NXN: variants seen among roughly 807,000 people sequenced by gnomAD.
NXN encodes nucleoredoxin 1.
NXN carries 16 observed loss-of-function variants against 48.6 expected under a neutral mutation model. The observed-to-expected ratio is 0.33, with a 90% CI of 0.22 to 0.50. NXN has a LOEUF of 0.50. Ranked by LOEUF, NXN falls within the 20% of genes least tolerant of loss-of-function variation. NXN has a pLI of 0.98. For missense variants in NXN, 492 were observed against 605.5 expected (o/e 0.81, Z 1.97); for synonymous variants, 281 against 269.6 (o/e 1.04, Z -0.41).
intron 1 of NXN, among the ~76,000 whole-genome samples, chr17:871,306 T>C (rs1055214424): frequency 6.6e-6 from 1 of 151,802 alleles, no homozygotes; most frequent in African/African-American, 2.4e-5. Flanking sequence ...GTGACCTCAA[T>C]GATGAGGCCA....
intron 1 of NXN, among the ~76,000 whole-genome samples, chr17:930,909 C>A (rs62067201): frequency 2.0e-5 from 3 of 151,660 alleles, no homozygotes; most frequent in Non-Finnish European, 2.9e-5. Context: ...GTAGCTGGGA[C>A]TACAGGTGTG....
intron 1 of NXN, among the ~76,000 whole-genome samples, chr17:889,157 T>C (rs552835308): frequency 2.0e-5 from 3 of 152,090 alleles, no homozygotes; most frequent in Non-Finnish European, 4.4e-5. Flanking sequence ...ATGTGGCACT[T>C]ACCTTCTCAG....
chr17:872,223 G>GGA (rs369488047), intron 1 of NXN, among the ~76,000 whole-genome samples: 9 of 149,360 alleles, frequency 6.0e-5, no homozygotes, highest in East Asian at 5.9e-4. Flanking sequence ...GGGGAGAGAG[G>GGA]GAGAGAGAGA....
rs1246242146 is a variant in NXN at position 825,838 on chromosome 17, G to A, written c.478+123C>T. 3 of 660,512 alleles carry A rather than the reference G, an allele frequency of 4.5e-6. No individual in the cohort carries two copies. Among genetic ancestry groups the A allele is most frequent in the Non-Finnish European group, 8.1e-6 (3 of 370,316 alleles). 40.9% of individuals were successfully genotyped at this position (660,512 alleles called of 1,614,324 possible). ...TCACCAAGACGACATTCTCTACCAC[G>A]TAAACCCACGTGTATCTATTTCACC... On this transcript the variant is annotated intron_variant, in intron 2 of 7. Coordinates refer to ENST00000336868, the MANE Select transcript of NXN (RefSeq NM_022463.5). This position sits in a 1 kb window ranked among gnomAD's most constrained non-coding sequence, Gnocchi z 4.1.
intron 4 of NXN, among the ~76,000 whole-genome samples, chr17:820,358 TC>T (rs1567817028): frequency 1.3e-5 from 2 of 152,124 alleles, no homozygotes; most frequent in African/African-American, 4.8e-5. Flanking sequence ...ACCCCTGTAA[TC>T]CCAGCACTTT....
chr17:831,068 G>A (rs537039866), intron 1 of NXN, among the ~76,000 whole-genome samples: 283 of 151,578 alleles, frequency 1.9e-3, no homozygotes, highest in African/African-American at 6.7e-3. Context: ...ATTTGAGAGC[G>A]AAAACTGCAA....
intron 1 of NXN, chr17:896,862 C>CCGGGGG: frequency 1.7e-6 from 1 of 576,078 alleles, no homozygotes; most frequent in Non-Finnish European, 2.7e-6. Context: ...TGACCACCCG[C>CCGGGGG]CCCCGGCCCC....
chr17:806,302 CCGTCTGCACCCCAGCTCCCCCCT>C (rs1418759519), intron 5 of NXN, among the ~76,000 whole-genome samples: 57 of 150,782 alleles, frequency 3.8e-4, no homozygotes, highest in African/African-American at 1.3e-3. Context: ...GCAGCCCCCG[CCGTCTGCACCCCAGCTCCCCCCT>C]TCCCCAGGGC....
chr17:818,549 C>T (rs1347723700), intron 5 of NXN, among the ~76,000 whole-genome samples: 1 of 152,118 alleles, frequency 6.6e-6, no homozygotes, highest in Non-Finnish European at 1.5e-5. Context: ...AAGATTCTGG[C>T]CAAGTCATTT....
At chr17:845,223 AGAG>A (rs766249915) in intron 1 of NXN, among the ~76,000 whole-genome samples, 1 of 151,506 alleles carries the variant, frequency 6.6e-6, no homozygotes, top group African/African-American at 2.4e-5. Context: ...ACCCTTCTAG[AGAG>A]AATTCCACCC....
intron 1 of NXN, among the ~76,000 whole-genome samples, chr17:847,370 GA>G (rs2067875629): frequency 6.6e-6 from 1 of 152,068 alleles, no homozygotes; most frequent in South Asian, 2.1e-4. Flanking sequence ...GAGGGGAGAG[GA>G]AATATTTACA....
At chr17:822,492 G>A (rs374339416) in intron 3 of NXN, 35 bp from the exon 4 acceptor site, 109 of 1,503,972 alleles carry the variant, frequency 7.2e-5, no homozygotes, top group South Asian at 6.2e-4. Flanking sequence ...GCTGCGTCAC[G>A]CTGCTTCTCC....
chr17:853,505 G>T (rs947574061), intron 1 of NXN, among the ~76,000 whole-genome samples: 1 of 151,740 alleles, frequency 6.6e-6, no homozygotes, highest in East Asian at 2.0e-4. Context: ...TTCCCACAGG[G>T]TGTCCCTCTG....
chr17:828,040 C>T lies in NXN; in HGVS notation c.361-1962G>A, dbSNP rs192758008. On this transcript the variant is annotated intron_variant, in intron 1 of 7. Transcript: ENST00000336868. ...CATGTTTTTCCCAGCCCCACCTTTC[C>T]GGGGGGCTTACAAAACCAGCCCGGG... Among the ~76,000 whole-genome samples the T allele has an allele frequency of 6.4e-4, 97 of 152,238 alleles. 1 individual carries two copies. Among genetic ancestry groups the T allele is most frequent in the Admixed American group, 1.4e-3 (22 of 15,280 alleles).
intron 1 of NXN, among the ~76,000 whole-genome samples, chr17:936,278 G>A (rs905915681): frequency 1.3e-5 from 2 of 152,002 alleles, no homozygotes; most frequent in African/African-American, 4.8e-5. Context: ...GACCAGAAAC[G>A]TCCCCTGCGA....
At chr17:889,214 G>C (rs1274661579) in intron 1 of NXN, among the ~76,000 whole-genome samples, 2 of 152,158 alleles carry the variant, frequency 1.3e-5, no homozygotes, top group Non-Finnish European at 2.9e-5. Context: ...GCCTGCACGT[G>C]CCACACTTGC....
At chr17:903,157 TAACA>T (rs2068552383) in intron 1 of NXN, among the ~76,000 whole-genome samples, 2 of 152,066 alleles carry the variant, frequency 1.3e-5, no homozygotes, top group South Asian at 4.2e-4. Flanking sequence ...TAAAAGCAGC[TAACA>T]GTTATGACGT....
chr17:870,932 C>T (rs937949954), intron 1 of NXN, among the ~76,000 whole-genome samples: 3 of 152,028 alleles, frequency 2.0e-5, no homozygotes, highest in African/African-American at 7.2e-5. Flanking sequence ...GATCTCAGTT[C>T]ACTACAAGCT....
At chr17:803,581 T>C (rs1182967959) in intron 7 of NXN, 101 bp downstream of exon 7, 10 of 1,486,208 alleles carry the variant, frequency 6.7e-6, no homozygotes, top group Non-Finnish European at 8.3e-6. Flanking sequence ...CAGGCAGCCC[T>C]GACCCTGGGG....
Sources: allele counts gnomAD v4.1 joint callset (sites outside exome capture counted in the v4.1 genomes callset), GRCh38; gene constraint gnomAD v4.1.1; non-coding constraint Gnocchi (gnomAD v3.1); transcripts MANE v1.5; gene names NCBI Gene and HGNC (gene_info 2026-07-23, HGNC 2026-07-21).